Variants in CACNA1I observed in about 807,000 individuals in gnomAD.
CACNA1I encodes the protein voltage-dependent T-type calcium channel subunit alpha-1I.
CACNA1I carries 74 observed loss-of-function variants against 201.6 expected under a neutral mutation model. The ratio of observed to expected loss-of-function variants is 0.37; its 90% CI spans 0.30 to 0.45. CACNA1I has a LOEUF of 0.45. Ranked by LOEUF, CACNA1I falls within the 20% of genes least tolerant of loss-of-function variation. CACNA1I has a pLI of 1.00. For missense variants in CACNA1I, 2,346 were observed against 3,138.1 expected (o/e 0.75, Z 6.03); for synonymous variants, 1,431 against 1,345.2 (o/e 1.06, Z -1.40).
chr22:39,619,371 G>A lies in CACNA1I; in HGVS notation c.544G>A (p.Val182Ile), dbSNP rs775581201. 24 of 1,609,480 alleles carry A rather than the reference G, an allele frequency of 1.5e-5. No homozygotes were observed. The highest frequency in any genetic ancestry group is 4.4e-5 in the South Asian group (4 of 91,080). The change falls in exon 4 of 37, where the codon GTC becomes ATC. Residue 182 changes from valine to isoleucine, a missense_variant. By Grantham distance (29) the Val-to-Ile change is conservative. Coordinates refer to ENST00000402142, the MANE Select transcript of CACNA1I (RefSeq NM_021096.4). The part of the protein sequence containing the change: ...INLSAIRTVR[V>I]LRPLKAINRV... ...CCTGTCAGCCATCCGCACCGTGCGC[G>A]TCCTGAGGCCCCTCAAAGCCATCAA...
intron 16 of CACNA1I, 76 bp from the exon 17 acceptor site, chr22:39,661,889 G>C (rs1935022926): frequency 2.0e-6 from 2 of 976,490 alleles, no homozygotes; most frequent in Non-Finnish European, 2.9e-6. Flanking sequence ...CGGGGGTGCA[G>C]GCTGCCTTTG....
rs750826284 is a variant in CACNA1I at position 39,666,722 on chromosome 22, G to C, written c.4104+716G>C. 6.6e-6 allele frequency among the ~76,000 whole-genome samples: 1 copy of C among 152,216 alleles called. No individual in the cohort carries two copies. Among genetic ancestry groups the C allele is most frequent in the African/African-American group, 2.4e-5 (1 of 41,456 alleles). On this transcript the variant is annotated intron_variant, in intron 23 of 36. Transcript: ENST00000402142. This position sits in a 1 kb window ranked among gnomAD's most constrained non-coding sequence, Gnocchi z 4.1. ...AGGGAGGAGCAGGCTCCAGGCCCTC[G>C]TCCCCCACTGGCTGATGGGCAGCCT...
intron 3 of CACNA1I, among the ~76,000 whole-genome samples, chr22:39,612,130 T>C (rs752715498): frequency 2.0e-5 from 3 of 152,066 alleles, no homozygotes; most frequent in Non-Finnish European, 2.9e-5. Context: ...ATGCCATTAT[T>C]GTGGGAGTGG....
chr22:39,634,411 G>A (rs899986288), intron 4 of CACNA1I, among the ~76,000 whole-genome samples, 154 bp from the exon 5 acceptor site: 4 of 152,116 alleles, frequency 2.6e-5, no homozygotes, highest in Non-Finnish European at 5.9e-5. Flanking sequence ...AGGAGAGGGT[G>A]TATCTGGCAG....
chr22:39,644,887 T>C (rs136823), intron 7 of CACNA1I, among the ~76,000 whole-genome samples: 82,157 of 151,390 alleles, frequency 0.54, 23,358 homozygotes, highest in East Asian at 0.99. Context: ...AGTGTCTTGC[T>C]ATATTTGCCA....
At position 39,679,485 on chromosome 22, in the gene CACNA1I, G is replaced by T. The variant is rs919385999; in HGVS notation, c.5394+40G>T. The T allele has an allele frequency of 9.7e-6, 13 of 1,343,992 alleles. 1 individual carries two copies. In the Admixed American group the frequency reaches 3.9e-4, roughly 40 times the overall value. 83.3% of individuals were successfully genotyped at this position (1,343,992 alleles called of 1,614,324 possible). On this transcript the variant is annotated intron_variant, in intron 32 of 36. Transcript: ENST00000402142. Reference sequence around the variant, plus strand: ...GAGAGGTGTGAGGGTCGCCAGAGGGGGGGCACCGCAGGGCCAGATGGGCAG... The same window carrying T: ...GAGAGGTGTGAGGGTCGCCAGAGGGTGGGCACCGCAGGGCCAGATGGGCAG...
intron 29 of CACNA1I, among the ~76,000 whole-genome samples, chr22:39,675,641 G>A (rs1407326332): frequency 6.6e-6 from 1 of 152,194 alleles, no homozygotes; most frequent in Non-Finnish European, 1.5e-5. Context: ...TCGATTCTAC[G>A]TAAAGTGCTA....
intron 1 of CACNA1I, among the ~76,000 whole-genome samples, chr22:39,572,729 G>A (rs1932226069): frequency 6.6e-6 from 1 of 151,988 alleles, no homozygotes; most frequent in Admixed American, 6.6e-5. Flanking sequence ...GGGAGTGCCC[G>A]GGGAAGAGGG....
intron 4 of CACNA1I, among the ~76,000 whole-genome samples, chr22:39,624,644 G>A (rs1933848655): frequency 6.6e-6 from 1 of 152,180 alleles, no homozygotes; most frequent in African/African-American, 2.4e-5. Context: ...CAGGCTGTTG[G>A]AGCACGTGGG....
intron 15 of CACNA1I, among the ~76,000 whole-genome samples, 157 bp from the exon 16 acceptor site, chr22:39,660,951 T>C (rs917159596): frequency 2.6e-5 from 4 of 152,088 alleles, no homozygotes; most frequent in Non-Finnish European, 5.9e-5. Context: ...GGCACTGTGA[T>C]GGGGTGCAAC....
At chr22:39,600,026 C>T (rs376360318) in intron 2 of CACNA1I, among the ~76,000 whole-genome samples, 138 of 152,306 alleles carry the variant, frequency 9.1e-4, no homozygotes, top group Middle Eastern at 3.4e-3. Flanking sequence ...TGAGACCCAC[C>T]GGAGTTTCAA....
At position 39,570,998 on chromosome 22, in the gene CACNA1I, G is replaced by A. The variant is rs781323454; in HGVS notation, c.236+10G>A. 7.5e-6 allele frequency: 12 copies of A among 1,608,138 alleles called. No homozygotes were observed. Among genetic ancestry groups the A allele is most frequent in the Admixed American group, 5.0e-5 (3 of 59,966 alleles). ...AGATGGTGTGCAACCCATATCCTCC[G>A]CAGCCTCGGCTGATCGGGGCCCTGC... On this transcript the variant is annotated intron_variant, in intron 1 of 36. Coordinates refer to ENST00000402142, the MANE Select transcript of CACNA1I (RefSeq NM_021096.4).
Position 39,666,464 on chromosome 22 carries a change from C to T in CACNA1I, c.4104+458C>T, listed in dbSNP as rs1935199994. On this transcript the variant is annotated intron_variant, in intron 23 of 36. Coordinates refer to ENST00000402142, the MANE Select transcript of CACNA1I (RefSeq NM_021096.4). The surrounding 1 kb of genome is among the most constrained non-coding windows in gnomAD (Gnocchi z 4.1). ...CAAGCCCTTGGCCCGGGGTGGTACTCTCTCCCCTCACCCACCGCTGCTCTC... is the reference window on the plus strand; with the variant it reads ...CAAGCCCTTGGCCCGGGGTGGTACTTTCTCCCCTCACCCACCGCTGCTCTC... Among the ~76,000 whole-genome samples the T allele has an allele frequency of 6.6e-6, 1 of 152,184 alleles. No homozygotes were observed. The highest frequency in any genetic ancestry group is 2.4e-5 in the African/African-American group (1 of 41,454).
At chr22:39,642,943 G>A in intron 7 of CACNA1I, 54 bp downstream of exon 7, 2 of 1,264,350 alleles carry the variant, frequency 1.6e-6, no homozygotes, top group South Asian at 1.3e-5. Flanking sequence ...ATGGACCAGG[G>A]GACCTGAGGA....
At chr22:39,652,238 T>C (rs957664313) in intron 10 of CACNA1I, among the ~76,000 whole-genome samples, 1 of 152,152 alleles carries the variant, frequency 6.6e-6, no homozygotes, top group African/African-American at 2.4e-5. Flanking sequence ...TCAGGTGATC[T>C]GCCTGTCTCA....
At chr22:39,675,146 G>A (rs1174834074) in intron 29 of CACNA1I, among the ~76,000 whole-genome samples, 1 of 152,250 alleles carries the variant, frequency 6.6e-6, no homozygotes, top group African/African-American at 2.4e-5. Flanking sequence ...CCTGGGCCCT[G>A]GGCATGCGAC....
chr22:39,593,277 C>T (rs1161492489), intron 1 of CACNA1I, among the ~76,000 whole-genome samples: 1 of 152,194 alleles, frequency 6.6e-6, no homozygotes. Context: ...CAGGCTTGTT[C>T]CTTTTCCATC....
chr22:39,608,320 AC>A (rs1933281462), intron 3 of CACNA1I, among the ~76,000 whole-genome samples: 2 of 152,064 alleles, frequency 1.3e-5, no homozygotes, highest in Admixed American at 1.3e-4. Flanking sequence ...TTCTGTGATC[AC>A]CCAGTCCAGT....
At chr22:39,642,772 G>T in intron 6 of CACNA1I, 25 bp from the exon 7 acceptor site, 1 of 1,567,228 alleles carries the variant, frequency 6.4e-7, no homozygotes, top group Non-Finnish European at 8.7e-7. Context: ...AGTCCTCTCG[G>T]CTCTCTCTCC....
Sources: gnomAD v4.1 joint callset for allele counts (sites outside exome capture counted in the v4.1 genomes callset) on GRCh38, gnomAD v4.1.1 for gene constraint, Gnocchi (gnomAD v3.1) non-coding constraint, MANE v1.5 for transcripts, NCBI Gene and HGNC (gene_info 2026-07-23, HGNC 2026-07-21) for gene names.